The following BCAS3 variants were observed in gnomAD, a reference collection of about 807,000 sequenced individuals.
BCAS3 encodes the protein BCAS3 microtubule associated cell migration factor.
In BCAS3, 53 loss-of-function variants were observed where a neutral mutation model predicts 116.1. The ratio of observed to expected loss-of-function variants is 0.46; its 90% CI spans 0.37 to 0.57. The LOEUF is 0.57. Among genes scored for constraint, BCAS3 ranks in the 20% least tolerant of loss-of-function variants. The pLI is 0.00. For synonymous variants in BCAS3, 391 were observed against 408.2 expected, an observed-to-expected ratio of 0.96 and a Z score of 0.51; for missense variants, 917 against 1,165.4, an observed-to-expected ratio of 0.79 and a Z score of 3.10.
intron 6 of BCAS3, among the ~76,000 whole-genome samples, chr17:60,781,874 T>TAC (rs1201663178): frequency 4.6e-5 from 7 of 152,208 alleles, no homozygotes; most frequent in African/African-American, 1.4e-4. Context: ...GCTGGAGACT[T>TAC]ACCAAGCTTT....
Position 61,130,498 on chromosome 17 carries a change from G to A in BCAS3, c.2425+45934G>A, listed in dbSNP as rs1229386723. Among the ~76,000 whole-genome samples, 1 of 152,140 alleles carries A rather than the reference G, an allele frequency of 6.6e-6. No individual in the cohort carries two copies. The highest frequency in any genetic ancestry group is 1.5e-5 in the Non-Finnish European group (1 of 67,992). On this transcript the variant is annotated intron_variant, in intron 22 of 23. Coordinates refer to ENST00000407086, the MANE Select transcript of BCAS3 (RefSeq NM_017679.5). The surrounding 1 kb of genome is among the most constrained non-coding windows in gnomAD (Gnocchi z 5.0). Reference sequence around the variant, plus strand: ...CACAAACATAAGCCTCTCTAACCCTGCCACCTCCCCCAGTTTATGTTACGT... The same window carrying A: ...CACAAACATAAGCCTCTCTAACCCTACCACCTCCCCCAGTTTATGTTACGT...
chr17:60,920,620 C>T (rs1313551573), intron 12 of BCAS3, among the ~76,000 whole-genome samples: 1 of 152,108 alleles, frequency 6.6e-6, no homozygotes, highest in African/African-American at 2.4e-5. Flanking sequence ...CCTGTAATCC[C>T]AGCACTTTGG....
chr17:60,918,190 G>T (rs1357286556), intron 12 of BCAS3, among the ~76,000 whole-genome samples: 1 of 151,988 alleles, frequency 6.6e-6, no homozygotes, highest in Non-Finnish European at 1.5e-5. Flanking sequence ...TGATGTAAAT[G>T]GCCATCCTAA....
Position 61,269,343 on chromosome 17 carries a change from G to A in BCAS3, c.2426-98984G>A, listed in dbSNP as rs569611608. ...TTGGTCAGGCTGGTCTCGAACTCCC[G>A]ACCTCAAGTAATCCACCTGCCTCGA... On this transcript the variant is annotated intron_variant, in intron 22 of 23. Transcript: ENST00000407086. Among the ~76,000 whole-genome samples, 8 of 152,100 alleles carry A rather than the reference G, an allele frequency of 5.3e-5. No homozygotes were observed. In the East Asian group the frequency reaches 5.8e-4, roughly 11 times the overall value.
chr17:60,808,280 G>A (rs1208018717), intron 7 of BCAS3, among the ~76,000 whole-genome samples: 1 of 152,180 alleles, frequency 6.6e-6, no homozygotes, highest in Non-Finnish European at 1.5e-5. Flanking sequence ...CTGTTCTAAA[G>A]GTGTTGTGTG....
Position 61,256,214 on chromosome 17 carries a change from CA to C in BCAS3, c.2426-112111del, listed in dbSNP as rs2048761774. Among the ~76,000 whole-genome samples the C allele has an allele frequency of 2.0e-5, 3 of 152,192 alleles. No homozygotes were observed. The highest frequency in any genetic ancestry group is 2.9e-5 in the Non-Finnish European group (2 of 68,026). Reference sequence around the variant, plus strand: ...CTTAGATCAGACTACCTGGGGTTGTCAAGCCTTCCATCTTCAAGCCAAGAGG... The same window carrying C: ...CTTAGATCAGACTACCTGGGGTTGTCAGCCTTCCATCTTCAAGCCAAGAGG... On this transcript the variant is annotated intron_variant, in intron 22 of 23. Transcript: ENST00000407086. This position sits in a 1 kb window ranked among gnomAD's most constrained non-coding sequence, Gnocchi z 5.6.
At chr17:60,931,154 C>T (rs1160286317) in intron 13 of BCAS3, among the ~76,000 whole-genome samples, 2 of 151,862 alleles carry the variant, frequency 1.3e-5, no homozygotes, top group African/African-American at 4.8e-5. Flanking sequence ...TTTAGAAGTA[C>T]CAGATTGATC....
chr17:60,980,468 T>C (rs1222630714), intron 14 of BCAS3: 4 of 152,144 alleles, frequency 2.6e-5, no homozygotes, highest in African/African-American at 7.2e-5. Context: ...ATTTATCAGA[T>C]GTATTATTTG....
chr17:61,237,273 C>G (rs542213261), intron 22 of BCAS3, among the ~76,000 whole-genome samples: 3 of 152,250 alleles, frequency 2.0e-5, no homozygotes, highest in Admixed American at 2.0e-4. Context: ...CCAATCAGCG[C>G]TCTGTAAAGC....
Position 61,239,120 on chromosome 17 carries a change from G to A in BCAS3, c.2426-129207G>A, listed in dbSNP as rs1602115000. Among the ~76,000 whole-genome samples the A allele has an allele frequency of 2.6e-5, 4 of 152,280 alleles. No homozygotes were observed. The highest frequency in any genetic ancestry group is 4.4e-5 in the Non-Finnish European group (3 of 68,026). On this transcript the variant is annotated intron_variant, in intron 22 of 23. Transcript: ENST00000407086. This position sits in a 1 kb window ranked among gnomAD's most constrained non-coding sequence, Gnocchi z 4.2. ...AGGTTGGCATTCACAGTTCTCAGGA[G>A]ACAATCAGGTACTGATTTAGTGAGC... is the stretch of plus-strand genomic sequence containing the variant.
chr17:61,202,825 A>T (rs551440155), intron 22 of BCAS3, among the ~76,000 whole-genome samples: 1 of 152,346 alleles, frequency 6.6e-6, no homozygotes, highest in South Asian at 2.1e-4. Flanking sequence ...AAAGATGATG[A>T]GTCAATCGTA....
In BCAS3 at chr17:61,380,858, AC is replaced by A. The variant is rs1351817388; in HGVS notation, c.2594-11118del. 6.6e-6 allele frequency among the ~76,000 whole-genome samples: 1 copy of A among 152,230 alleles called. No individual in the cohort carries two copies. Among genetic ancestry groups the A allele is most frequent in the East Asian group, 1.9e-4 (1 of 5,196 alleles). ...CTCTGCTGTGCAGAGCAGGGAGGTCACTAGGCTCTAATGCATTTACCATTGA... is the reference window on the plus strand; with the variant it reads ...CTCTGCTGTGCAGAGCAGGGAGGTCATAGGCTCTAATGCATTTACCATTGA... On this transcript the variant is annotated intron_variant, in intron 23 of 23. Coordinates refer to ENST00000407086, the MANE Select transcript of BCAS3 (RefSeq NM_017679.5). The surrounding 1 kb of genome is among the most constrained non-coding windows in gnomAD (Gnocchi z 4.2).
intron 2 of BCAS3, among the ~76,000 whole-genome samples, chr17:60,682,256 G>A (rs1475859687): frequency 2.0e-5 from 3 of 152,168 alleles, no homozygotes; most frequent in Non-Finnish European, 2.9e-5. Flanking sequence ...AATCCAGATA[G>A]AAAGAAAGGT....
At chr17:61,018,665 A>C (rs779721242) in intron 16 of BCAS3, among the ~76,000 whole-genome samples, 72 of 152,054 alleles carry the variant, frequency 4.7e-4, no homozygotes, top group Non-Finnish European at 6.6e-4. Flanking sequence ...GCCTGCATAA[A>C]CACTAACACG....
Position 61,390,692 on chromosome 17 carries a change from A to G in BCAS3, c.2594-1285A>G, listed in dbSNP as rs945775553. 1 of 152,270 alleles carries G rather than the reference A, an allele frequency of 6.6e-6. No individual in the cohort carries two copies. Among genetic ancestry groups the G allele is most frequent in the Non-Finnish European group, 1.5e-5 (1 of 68,088 alleles). 9.4% of individuals were successfully genotyped at this position (152,270 alleles called of 1,614,324 possible). A position where few individuals can be genotyped will look rare whatever the true frequency, so the allele number is the denominator to read the frequency against. ...GTTGGCCAGCCCAGGAGTGAAGGCC[A>G]TGACCCCTTCATTCCCTAACCAGAG... On this transcript the variant is annotated intron_variant, in intron 23 of 23. Coordinates refer to ENST00000407086, the MANE Select transcript of BCAS3 (RefSeq NM_017679.5). This position sits in a 1 kb window ranked among gnomAD's most constrained non-coding sequence, Gnocchi z 6.8.
At chr17:61,048,209 T>C (rs550167975) in intron 19 of BCAS3, among the ~76,000 whole-genome samples, 2 of 152,118 alleles carry the variant, frequency 1.3e-5, no homozygotes, top group Admixed American at 6.5e-5. Context: ...TTTCTTGAGG[T>C]TCCAGTTGAG....
At chr17:61,230,039 T>C (rs1291032484) in intron 22 of BCAS3, among the ~76,000 whole-genome samples, 5 of 151,954 alleles carry the variant, frequency 3.3e-5, no homozygotes, top group African/African-American at 4.8e-5. Flanking sequence ...CCAGGAGAAT[T>C]GGTTGAACCC....
rs952305766 is a variant in BCAS3, at chr17:61,316,030, C to T, written c.2426-52297C>T. On this transcript the variant is annotated intron_variant, in intron 22 of 23. Coordinates refer to ENST00000407086, the MANE Select transcript of BCAS3 (RefSeq NM_017679.5). This position sits in a 1 kb window ranked among gnomAD's most constrained non-coding sequence, Gnocchi z 5.8. ...CCATCTATAGCAGGTGCTGGCCAGG[C>T]GTGGTGGCTCACACCTTTGATCCCA... Among the ~76,000 whole-genome samples the T allele has an allele frequency of 3.3e-5, 5 of 152,126 alleles. No homozygotes were observed. Among genetic ancestry groups the T allele is most frequent in the South Asian group, 4.2e-4 (2 of 4,818 alleles).
intron 22 of BCAS3, among the ~76,000 whole-genome samples, chr17:61,264,332 A>G (rs1231344288): frequency 1.3e-5 from 2 of 152,090 alleles, no homozygotes; most frequent in Non-Finnish European, 2.9e-5. Flanking sequence ...AAAGCAGCTG[A>G]AAAAAATCAT....
Sources: allele counts gnomAD v4.1 joint callset (sites outside exome capture counted in the v4.1 genomes callset), GRCh38; gene constraint gnomAD v4.1.1; non-coding constraint Gnocchi (gnomAD v3.1); transcripts MANE v1.5; gene names NCBI Gene and HGNC (gene_info 2026-07-23, HGNC 2026-07-21).